Variants in ZFYVE26 observed in about 807,000 individuals in gnomAD.
ZFYVE26 encodes zinc finger FYVE-type containing 26.
A neutral mutation model predicts 276.5 loss-of-function variants in ZFYVE26; 181 were observed. The observed-to-expected ratio is 0.65, with a 90% CI of 0.58 to 0.74. ZFYVE26 has a LOEUF of 0.74. Ranked by LOEUF, ZFYVE26 falls within the 30% of genes least tolerant of loss-of-function variation. ZFYVE26 has a pLI of 0.00. For synonymous variants in ZFYVE26, 1,129 were observed against 1,203.1 expected, an observed-to-expected ratio of 0.94 and a Z score of 1.27; for missense variants, 2,821 against 3,097.9, an observed-to-expected ratio of 0.91 and a Z score of 2.12.
intron 32 of ZFYVE26, among the ~76,000 whole-genome samples, chr14:67,763,168 G>C (rs937036841): frequency 6.6e-6 from 1 of 152,218 alleles, no homozygotes. Flanking sequence ...GCCTCCCAAA[G>C]TGCTGGGATT....
At chr14:67,784,062 A>T (rs1319389218) in intron 20 of ZFYVE26, among the ~76,000 whole-genome samples, 3 of 152,196 alleles carry the variant, frequency 2.0e-5, no homozygotes, top group African/African-American at 7.2e-5. Flanking sequence ...CTAATCAACT[A>T]TCATGTTATT....
chr14:67,733,844 A>T, intron 13 of ZFYVE26: 2 of 1,610,584 alleles, frequency 1.2e-6, no homozygotes, highest in Non-Finnish European at 1.7e-6. Context: ...ATCCGGTGGG[A>T]GTAGCTGGTG....
intron 10 of ZFYVE26, among the ~76,000 whole-genome samples, chr14:67,799,866 C>T (rs555953193): frequency 1.3e-5 from 2 of 152,142 alleles, no homozygotes; most frequent in African/African-American, 2.4e-5. Context: ...AGGCAGTGTC[C>T]TTCCTGACAG....
intron 3 of ZFYVE26, among the ~76,000 whole-genome samples, chr14:67,810,564 A>G (rs2040279014): frequency 6.6e-6 from 1 of 152,216 alleles, no homozygotes. Flanking sequence ...TTTTCAAACA[A>G]AAAGGAAAAG....
In ZFYVE26 at chr14:67,748,520, C is replaced by T. The variant is rs1223573688; in HGVS notation, c.7536G>A (p.Gly2512=). Reference sequence around the variant, plus strand: ...CACAGATGTCTTGCACTACTGCATCCCCGCTGCTCTTGGCGGCCTGCTGCA... The same window carrying T: ...CACAGATGTCTTGCACTACTGCATCTCCGCTGCTCTTGGCGGCCTGCTGCA... ...QQVQQAAKSS[G]DAVVQDICAQ... The change falls in exon 42 of 42, where the codon GGG becomes GGA. Residue 2512 remains glycine, a synonymous_variant. Transcript: ENST00000347230. 1.2e-6 allele frequency: 2 copies of T among 1,614,040 alleles called. No homozygotes were observed. The highest frequency in any genetic ancestry group is 1.7e-5 in the Admixed American group (1 of 60,032).
At chr14:67,768,393 T>C (rs556829904) in intron 30 of ZFYVE26, 124 bp downstream of exon 30, 1 of 1,139,110 alleles carries the variant, frequency 8.8e-7, no homozygotes, top group East Asian at 2.3e-5. Flanking sequence ...AGAATTTGCT[T>C]TGGCAAACAA....
In ZFYVE26 at chr14:67,785,968, A is replaced by G; in HGVS notation, c.3194T>C (p.Leu1065Pro). The part of the protein sequence containing the change: ...GPPRCSITEL[L>P]QMCWPSLSED... ...GCTTAGGCTGGGCCAGCACATCTGA[A>G]GCAGTTCAGTGATGCTGCACCGTGG... The change falls in exon 18 of 42, where the codon CTT (leucine) becomes CCT (proline). Residue 1065 changes from leucine to proline, a missense_variant. Coordinates refer to ENST00000347230, the MANE Select transcript of ZFYVE26 (RefSeq NM_015346.4). 6.2e-7 allele frequency: 1 copy of G among 1,614,220 alleles called. No individual in the cohort carries two copies. The highest frequency in any genetic ancestry group is 8.5e-7 in the Non-Finnish European group (1 of 1,180,038).
chr14:67,755,402 C>T (rs901729276), intron 36 of ZFYVE26, 152 bp from the exon 37 acceptor site: 7 of 902,206 alleles, frequency 7.8e-6, no homozygotes, highest in African/African-American at 4.9e-5. Context: ...AGCCAGTCAC[C>T]CCCAAGGTCC....
In ZFYVE26 at chr14:67,809,255, T is replaced by G. The variant is rs750426190; in HGVS notation, c.308A>C (p.Glu103Ala). Residue 103 changes from glutamate to alanine, a missense_variant, in exon 4 of 42, where the codon GAG (glutamate) becomes GCG (alanine). Transcript: ENST00000347230. ...GAGGTCTTCTGACAATAAAAGAAAC[T>G]CAAGCTTTCTCCGGAAAACAACTGG... The part of the protein sequence containing the change: ...LLPVVFRRKL[E>A]FLLLSEDLQG... 42 of 1,613,918 alleles carry G rather than the reference T, an allele frequency of 2.6e-5. No homozygotes were observed. The highest frequency in any genetic ancestry group is 1.6e-4 in the Middle Eastern group (1 of 6,084).
intron 8 of ZFYVE26, among the ~76,000 whole-genome samples, chr14:67,804,803 G>C (rs996644156): frequency 1.3e-5 from 2 of 152,218 alleles, no homozygotes; most frequent in Admixed American, 6.5e-5. Context: ...ATTGTGAGCT[G>C]TGTGACTTTG....
intron 4 of ZFYVE26, 59 bp from the exon 5 acceptor site, chr14:67,807,979 T>G: frequency 6.3e-7 from 1 of 1,586,628 alleles, no homozygotes; most frequent in South Asian, 1.1e-5. Context: ...GTATCACTTG[T>G]GTGCCTTCAT....
At chr14:67,772,602 G>C (rs2039241528) in intron 27 of ZFYVE26, among the ~76,000 whole-genome samples, 1 of 152,176 alleles carries the variant, frequency 6.6e-6, no homozygotes, top group Admixed American at 6.5e-5. Flanking sequence ...AGAGGTAGGG[G>C]GGATAAACAA....
At chr14:67,737,083 CTTTTCT>C (rs980666078) in intron 13 of ZFYVE26, among the ~76,000 whole-genome samples, 5 of 116,748 alleles carry the variant, frequency 4.3e-5, no homozygotes, top group Non-Finnish European at 8.9e-5. Context: ...ATTTCTTTTT[CTTTTCT>C]TTTTTTTTTT....
At chr14:67,753,915 C>A (rs1175388940) in intron 38 of ZFYVE26, 149 bp from the exon 39 acceptor site, 4 of 1,497,190 alleles carry the variant, frequency 2.7e-6, no homozygotes, top group Non-Finnish European at 3.7e-6. Flanking sequence ...TAAGAATGAT[C>A]AAAATGGACC....
At chr14:67,751,347 C>G in intron 40 of ZFYVE26, 3 of 563,924 alleles carry the variant, frequency 5.3e-6, no homozygotes, top group Non-Finnish European at 9.6e-6. Context: ...GCCAGTTCAC[C>G]CCTCCTTAGG....
rs527573073 is a variant in ZFYVE26, at chr14:67,763,293, T to C, written c.6012-474A>G. ...ACTGAATTATGGCTCTATTACTTAG[T>C]AGCTCTATGACCTGGGGCAAGTTAG... is the stretch of plus-strand genomic sequence containing the variant. On this transcript the variant is annotated intron_variant, in intron 32 of 41. Coordinates refer to ENST00000347230, the MANE Select transcript of ZFYVE26 (RefSeq NM_015346.4). 3.9e-5 allele frequency among the ~76,000 whole-genome samples: 6 copies of C among 152,368 alleles called. 1 individual carries two copies. The South Asian group carries it at 8.3e-4, about 21-fold the overall frequency.
chr14:67,775,829 T>C lies in ZFYVE26; in HGVS notation c.5221+31A>G, dbSNP rs1418513668. ...GCAGCATGGCATTTCTTCCTCCATG[T>C]AGAATCCCCTTCTAGGATGCTAGCA... On this transcript the variant is annotated intron_variant, in intron 26 of 41. Transcript: ENST00000347230. 5 of 1,613,848 alleles carry C rather than the reference T, an allele frequency of 3.1e-6. No homozygotes were observed. In the Admixed American group the frequency reaches 6.7e-5, roughly 22 times the overall value.
At chr14:67,737,262 T>C (rs8016383) in intron 13 of ZFYVE26, among the ~76,000 whole-genome samples, 149,762 of 151,882 alleles carry the variant, frequency 0.99, 73,857 homozygotes, top group East Asian at 1. Context: ...TATATTAGTC[T>C]ATTCTCACAC....
In ZFYVE26 at chr14:67,752,952, G is replaced by T. The variant is rs532488217; in HGVS notation, c.7189-426C>A. Among the ~76,000 whole-genome samples, 4 of 152,302 alleles carry T rather than the reference G, an allele frequency of 2.6e-5. No individual in the cohort carries two copies. The East Asian group carries it at 5.8e-4, about 22-fold the overall frequency. On this transcript the variant is annotated intron_variant, in intron 39 of 41. Coordinates refer to ENST00000347230, the MANE Select transcript of ZFYVE26 (RefSeq NM_015346.4). ...AAGACTCATTTGCTGAAAACTGCCA[G>T]ATAAACACCTTAAACCTGGTCTAGG...
Sources: allele counts gnomAD v4.1 joint callset (sites outside exome capture counted in the v4.1 genomes callset), GRCh38; gene constraint gnomAD v4.1.1; transcripts MANE v1.5; gene names NCBI Gene and HGNC (gene_info 2026-07-23, HGNC 2026-07-21).